CSMD1: variants seen among roughly 807,000 people sequenced by gnomAD.
CSMD1 encodes the protein CUB and sushi domain-containing protein 1.
In CSMD1, 213 loss-of-function variants were observed where a neutral mutation model predicts 417.5. That is an observed-to-expected ratio of 0.51 (90% CI 0.46 to 0.57). The LOEUF (loss-of-function observed/expected upper bound fraction) is 0.57, where lower values mean the gene tolerates loss of function less well. CSMD1 is among the 20% of genes least tolerant of loss of function. CSMD1 has a pLI of 0.00. For synonymous variants in CSMD1, 2,862 were observed against 1,736.8 expected (o/e 1.65, Z -16.11); for missense variants, 6,923 against 4,529.7 (o/e 1.53, Z -15.17).
chr8:4,463,579 G>A (rs1272770483), intron 2 of CSMD1, among the ~76,000 whole-genome samples: 2 of 152,094 alleles, frequency 1.3e-5, no homozygotes, highest in East Asian at 1.9e-4. Context: ...AAATACAGAA[G>A]AAGTGAACTG....
rs529231826 is a variant in CSMD1, at chr8:3,401,026, A to C, written c.2267-1497T>G. Among the ~76,000 whole-genome samples the C allele has an allele frequency of 7.2e-5, 11 of 151,882 alleles. No individual in the cohort carries two copies. In the South Asian group the frequency reaches 1.9e-3, roughly 26 times the overall value. On this transcript the variant is annotated intron_variant, in intron 15 of 69. Transcript: ENST00000635120. Reference sequence around the variant, plus strand: ...TTAAATTCACATTTGCAGCCTATGAATCACATATCGATATACATAATTATA... The same window carrying C: ...TTAAATTCACATTTGCAGCCTATGACTCACATATCGATATACATAATTATA...
rs139204882 is a variant in CSMD1, at chr8:3,399,551, C to G, written c.2267-22G>C. 82 of 1,547,208 alleles carry G rather than the reference C, an allele frequency of 5.3e-5. No homozygotes were observed. The African/African-American group carries it at 1.1e-3, about 21-fold the overall frequency. Reference sequence around the variant, plus strand: ...GGAGCTAAAACAAGACGTAGAATATCTATTAGATCCAATGAGACAGAAGGA... The same window carrying G: ...GGAGCTAAAACAAGACGTAGAATATGTATTAGATCCAATGAGACAGAAGGA... On this transcript the variant is annotated intron_variant, in intron 15 of 69. Transcript: ENST00000635120.
chr8:4,058,331 T>C (rs1257729839), intron 3 of CSMD1, among the ~76,000 whole-genome samples: 10 of 152,162 alleles, frequency 6.6e-5, no homozygotes, highest in Non-Finnish European at 1.3e-4. Context: ...TTTGGCTCTC[T>C]GTTTGCCTGT....
At chr8:4,346,029 T>C (rs1800760429) in intron 3 of CSMD1, among the ~76,000 whole-genome samples, 1 of 152,172 alleles carries the variant, frequency 6.6e-6, no homozygotes, top group African/African-American at 2.4e-5. Flanking sequence ...TATTACATTC[T>C]TATTATCATA....
At chr8:3,597,912 C>T (rs962113416) in intron 8 of CSMD1, among the ~76,000 whole-genome samples, 1 of 152,108 alleles carries the variant, frequency 6.6e-6, no homozygotes, top group Non-Finnish European at 1.5e-5. Flanking sequence ...GTGCAGCAAA[C>T]CAACATGGCA....
At chr8:4,314,997 G>GAC (rs1248877558) in intron 3 of CSMD1, among the ~76,000 whole-genome samples, 1 of 152,086 alleles carries the variant, frequency 6.6e-6, no homozygotes, top group Non-Finnish European at 1.5e-5. Flanking sequence ...TAATAGTACT[G>GAC]ACAGCCCCAG....
chr8:4,504,715 G>A (rs1009849784), intron 2 of CSMD1, among the ~76,000 whole-genome samples: 16 of 152,144 alleles, frequency 1.1e-4, no homozygotes, highest in African/African-American at 3.9e-4. Flanking sequence ...TCCCACTTAT[G>A]AGTCAGAACA....
intron 3 of CSMD1, among the ~76,000 whole-genome samples, chr8:4,249,410 C>A (rs1802910753): frequency 1.3e-5 from 2 of 152,172 alleles, no homozygotes; most frequent in Admixed American, 1.3e-4. Context: ...GCAAAGTAAA[C>A]TAATAGTGTT....
At chr8:3,013,179 A>T (rs1808533981) in intron 52 of CSMD1, among the ~76,000 whole-genome samples, 1 of 152,210 alleles carries the variant, frequency 6.6e-6, no homozygotes, top group Non-Finnish European at 1.5e-5. Context: ...CATGAATGGA[A>T]GTATGCACAT....
At chr8:4,072,758 T>C (rs12543121) in intron 3 of CSMD1, among the ~76,000 whole-genome samples, 39,391 of 152,106 alleles carry the variant, frequency 0.26, 6,486 homozygotes, top group Non-Finnish European at 0.36. Context: ...CTCTCTGCAA[T>C]TCCTTCACAT....
intron 1 of CSMD1, among the ~76,000 whole-genome samples, chr8:4,653,905 G>A (rs932932243): frequency 1.3e-5 from 2 of 151,842 alleles, no homozygotes; most frequent in African/African-American, 4.9e-5. Context: ...AGTAGTCTCA[G>A]TAGTCATTTT....
rs368660445 is a variant in CSMD1 at position 4,653,655 on chromosome 8, G to T, written c.86-16097C>A. Among the ~76,000 whole-genome samples the T allele has an allele frequency of 1.3e-5, 2 of 152,088 alleles. 1 individual carries two copies. Among genetic ancestry groups the T allele is most frequent in the African/African-American group, 4.8e-5 (2 of 41,346 alleles). On this transcript the variant is annotated intron_variant, in intron 1 of 69. Transcript: ENST00000635120. The stretch of plus-strand genomic sequence containing the variant: ...ACTGCAGCGGGTTCCTGATCTCATT[G>T]TGATCCCCAGGAGTTAAGTTGCCCC...
intron 8 of CSMD1, among the ~76,000 whole-genome samples, chr8:3,611,538 A>G (rs139147264): frequency 6.6e-6 from 1 of 152,126 alleles, no homozygotes; most frequent in Non-Finnish European, 1.5e-5. Flanking sequence ...AAATGACAAA[A>G]TTTGAGCCCA....
chr8:3,002,838 C>G (rs1585127168), intron 52 of CSMD1, among the ~76,000 whole-genome samples: 1 of 152,216 alleles, frequency 6.6e-6, no homozygotes, highest in Admixed American at 6.5e-5. Flanking sequence ...CAACTCCTCT[C>G]TGACACATGG....
intron 2 of CSMD1, among the ~76,000 whole-genome samples, chr8:4,572,609 C>T (rs1798942977): frequency 6.6e-6 from 1 of 152,134 alleles, no homozygotes; most frequent in Non-Finnish European, 1.5e-5. Context: ...GGTTGCTCTT[C>T]TCAAGGAGTA....
At chr8:3,275,551 C>G (rs1563214259) in intron 26 of CSMD1, among the ~76,000 whole-genome samples, 1 of 152,214 alleles carries the variant, frequency 6.6e-6, no homozygotes, top group Admixed American at 6.5e-5. Context: ...TTGTCCCTGT[C>G]TCTTTCAGGT....
intron 1 of CSMD1, among the ~76,000 whole-genome samples, chr8:4,905,308 C>T (rs1211088982): frequency 6.6e-6 from 1 of 152,216 alleles, no homozygotes. Flanking sequence ...TAATGGATAA[C>T]TCGCTGTGTC....
At chr8:4,078,096 A>C (rs1183317252) in intron 3 of CSMD1, among the ~76,000 whole-genome samples, 1 of 152,200 alleles carries the variant, frequency 6.6e-6, no homozygotes, top group African/African-American at 2.4e-5. Flanking sequence ...CAAAGAGAGA[A>C]ATCTTCAAAT....
intron 5 of CSMD1, among the ~76,000 whole-genome samples, chr8:3,769,034 G>C (rs1303361649): frequency 2.0e-5 from 3 of 152,246 alleles, no homozygotes; most frequent in South Asian, 2.1e-4. Context: ...GTTGCTTTTG[G>C]ACAGGCAGGT....
Sources: allele counts gnomAD v4.1 joint callset (sites outside exome capture counted in the v4.1 genomes callset), GRCh38; gene constraint gnomAD v4.1.1; transcripts MANE v1.5; gene names NCBI Gene and HGNC (gene_info 2026-07-23, HGNC 2026-07-21).